Variants in LUC7L2 observed in about 807,000 individuals in gnomAD.
The protein encoded by LUC7L2 is LUC7 like 2, pre-mRNA splicing factor.
In LUC7L2, 25 loss-of-function variants were observed where a neutral mutation model predicts 52.8. The ratio of observed to expected loss-of-function variants is 0.47; its 90% CI spans 0.34 to 0.66. LUC7L2 has a LOEUF of 0.66. Ranked by LOEUF, LUC7L2 falls within the 30% of genes least tolerant of loss-of-function variation. The probability of loss-of-function intolerance (pLI) is 0.01; values close to 1 mark genes in which losing one functional copy is unlikely to be tolerated. For missense variants in LUC7L2, 328 were observed against 497.8 expected (o/e 0.66, Z 3.25); for synonymous variants, 144 against 160.9 (o/e 0.89, Z 0.80).
intron 1 of LUC7L2, among the ~76,000 whole-genome samples, chr7:139,369,398 T>C (rs1404074739): frequency 1.3e-5 from 2 of 152,208 alleles, no homozygotes; most frequent in Non-Finnish European, 2.9e-5. Context: ...AGAAGAGGAA[T>C]AGGCTGATAG....
intron 1 of LUC7L2, among the ~76,000 whole-genome samples, chr7:139,370,240 G>A (rs1299314973): frequency 1.3e-5 from 2 of 152,192 alleles, no homozygotes; most frequent in African/African-American, 4.8e-5. Context: ...TAGCAAGGGA[G>A]TAATGTTTTT....
chr7:139,352,026 C>T (rs1054923075), intron 1 of LUC7L2, among the ~76,000 whole-genome samples: 3 of 151,986 alleles, frequency 2.0e-5, no homozygotes, highest in Non-Finnish European at 4.4e-5. Context: ...GAGACCCTGT[C>T]TCTAAAAAAA....
intron 2 of LUC7L2, among the ~76,000 whole-genome samples, chr7:139,379,614 G>A (rs10085527): frequency 0.39 from 52,761 of 134,950 alleles, 14,196 homozygotes; most frequent in African/African-American, 0.78. Flanking sequence ...CTGTTGGCCC[G>A]GGTGGAGTGC....
chr7:139,388,368 A>T (rs1202652179), intron 2 of LUC7L2, among the ~76,000 whole-genome samples: 1 of 152,046 alleles, frequency 6.6e-6, no homozygotes, highest in African/African-American at 2.4e-5. Flanking sequence ...ATAGGTTTGG[A>T]GCTGGAACAT....
At chr7:139,374,812 T>C in intron 1 of LUC7L2, 3 of 1,097,188 alleles carry the variant, frequency 2.7e-6, no homozygotes, top group Non-Finnish European at 3.3e-6. Flanking sequence ...TTAGTTGAAT[T>C]TAAGTTAAGC....
chr7:139,373,183 T>C (rs893164251), intron 1 of LUC7L2, among the ~76,000 whole-genome samples: 2 of 152,234 alleles, frequency 1.3e-5, no homozygotes, highest in African/African-American at 4.8e-5. Flanking sequence ...CATTTTTCTT[T>C]TAAAAATTAT....
chr7:139,401,589 A>T (rs904056612), intron 3 of LUC7L2, among the ~76,000 whole-genome samples: 1 of 151,814 alleles, frequency 6.6e-6, no homozygotes, highest in Non-Finnish European at 1.5e-5. Context: ...AGTAGCTGGG[A>T]TTACAGGCGC....
chr7:139,404,518 A>G (rs1795040009), intron 4 of LUC7L2, among the ~76,000 whole-genome samples: 1 of 152,200 alleles, frequency 6.6e-6, no homozygotes, highest in Non-Finnish European at 1.5e-5. Context: ...CAAAAACAAC[A>G]ATAACAACAA....
chr7:139,405,000 T>A (rs7806906), intron 4 of LUC7L2, among the ~76,000 whole-genome samples: 16,597 of 152,248 alleles, frequency 0.11, 2,543 homozygotes, highest in African/African-American at 0.35. Context: ...GCACTAGAGA[T>A]ACAAAGATGG....
intron 1 of LUC7L2, among the ~76,000 whole-genome samples, chr7:139,343,561 C>T (rs916553108): frequency 5.3e-5 from 8 of 152,062 alleles, no homozygotes; most frequent in Non-Finnish European, 8.8e-5. Context: ...GCATAGGCCA[C>T]GGAGCGAGAC....
chr7:139,403,570 A>G (rs1469061378), intron 4 of LUC7L2, among the ~76,000 whole-genome samples: 2 of 152,198 alleles, frequency 1.3e-5, no homozygotes, highest in African/African-American at 2.4e-5. Context: ...TGAAGTACAA[A>G]GGATCTAGTA....
chr7:139,415,573 CT>C (rs376954972), intron 8 of LUC7L2, among the ~76,000 whole-genome samples: 313 of 116,160 alleles, frequency 2.7e-3, no homozygotes, highest in African/African-American at 8.0e-3. Context: ...GGAAATAACG[CT>C]TTTTTTTTTT....
At chr7:139,399,722 G>A (rs928605942) in intron 3 of LUC7L2, among the ~76,000 whole-genome samples, 1 of 152,088 alleles carries the variant, frequency 6.6e-6, no homozygotes, top group Admixed American at 6.6e-5. Flanking sequence ...GCCCGCCTCA[G>A]CCTCCCAAAG....
chr7:139,398,248 T>C (rs1794745467), intron 2 of LUC7L2, among the ~76,000 whole-genome samples: 1 of 152,212 alleles, frequency 6.6e-6, no homozygotes, highest in Non-Finnish European at 1.5e-5. Context: ...GATGTATATA[T>C]TCTTTTAGTT....
intron 2 of LUC7L2, among the ~76,000 whole-genome samples, chr7:139,377,639 G>A (rs902056547): frequency 2.0e-5 from 3 of 151,892 alleles, no homozygotes; most frequent in Non-Finnish European, 2.9e-5. Flanking sequence ...TGATCCACCC[G>A]CCTTGGCCTC....
chr7:139,409,411 A>C (rs1795259460), intron 6 of LUC7L2, 152 bp from the exon 7 acceptor site: 2 of 1,017,114 alleles, frequency 2.0e-6, no homozygotes, highest in African/African-American at 1.7e-5. Flanking sequence ...TGTAGGCCTA[A>C]TGATTATTTC....
At chr7:139,340,821 G>A (rs1463110690) in intron 1 of LUC7L2, among the ~76,000 whole-genome samples, 1 of 149,862 alleles carries the variant, frequency 6.7e-6, no homozygotes, top group African/African-American at 2.5e-5. Context: ...AGCGAAATAT[G>A]CCAACTTTAC....
chr7:139,363,257 C>T (rs774076514), intron 1 of LUC7L2: 2 of 985,072 alleles, frequency 2.0e-6, no homozygotes, highest in Non-Finnish European at 1.2e-6. Flanking sequence ...AGCAGGGTAC[C>T]GCGTGAGTTG....
intron 6 of LUC7L2, among the ~76,000 whole-genome samples, chr7:139,407,884 A>G (rs1014148757): frequency 2.0e-5 from 3 of 152,224 alleles, no homozygotes; most frequent in Non-Finnish European, 4.4e-5. Context: ...GGGGAAGACA[A>G]CACAGTTTTT....
Sources: allele counts gnomAD v4.1 joint callset (sites outside exome capture counted in the v4.1 genomes callset), GRCh38; gene constraint gnomAD v4.1.1; transcripts MANE v1.5; gene names NCBI Gene and HGNC (gene_info 2026-07-23, HGNC 2026-07-21).